The following TCF12 variants were observed in gnomAD, a reference collection of about 807,000 sequenced individuals.
TCF12 encodes the protein transcription factor 12.
A neutral mutation model predicts 86.0 loss-of-function variants in TCF12; 45 were observed. That is an observed-to-expected ratio of 0.52 (90% CI 0.41 to 0.67). TCF12 has a LOEUF of 0.67. Ranked by LOEUF, TCF12 falls within the 30% of genes least tolerant of loss-of-function variation. TCF12 has a pLI of 0.00. For synonymous variants in TCF12, 330 were observed against 299.6 expected, an observed-to-expected ratio of 1.10 and a Z score of -1.05; for missense variants, 881 against 859.9, an observed-to-expected ratio of 1.02 and a Z score of -0.31.
chr15:57,110,916 A>T (rs921774663), intron 5 of TCF12, among the ~76,000 whole-genome samples: 8 of 152,246 alleles, frequency 5.3e-5, no homozygotes, highest in African/African-American at 1.9e-4. Flanking sequence ...TGATATGGTA[A>T]TAGGAGATTA....
At chr15:57,210,332 T>C (rs1357532800) in intron 8 of TCF12, among the ~76,000 whole-genome samples, 2 of 151,354 alleles carry the variant, frequency 1.3e-5, no homozygotes, top group Non-Finnish European at 1.5e-5. Context: ...ATCTAAATTA[T>C]CTTCAGGAGA....
At chr15:57,054,401 T>A (rs1224063044) in intron 3 of TCF12, among the ~76,000 whole-genome samples, 3 of 152,224 alleles carry the variant, frequency 2.0e-5, no homozygotes, top group Non-Finnish European at 4.4e-5. Flanking sequence ...ACCTTTGCAC[T>A]TTCACATTGG....
chr15:57,218,479 A>T (rs1365563701), intron 8 of TCF12, among the ~76,000 whole-genome samples: 1 of 152,244 alleles, frequency 6.6e-6, no homozygotes, highest in Non-Finnish European at 1.5e-5. Context: ...TATGAGTTAG[A>T]AATGTCTGTA....
chr15:57,200,374 A>G (rs1332208937), intron 8 of TCF12, among the ~76,000 whole-genome samples: 4 of 152,270 alleles, frequency 2.6e-5, no homozygotes, highest in Non-Finnish European at 4.4e-5. Context: ...GTGATTTCCT[A>G]TTTCAGAGCT....
intron 6 of TCF12, among the ~76,000 whole-genome samples, chr15:57,170,350 G>A (rs760623957): frequency 6.6e-6 from 1 of 151,176 alleles, no homozygotes; most frequent in Non-Finnish European, 1.5e-5. Flanking sequence ...GACCTCCTGG[G>A]CTCAAGGGAT....
In TCF12 at chr15:57,273,671, A is replaced by G. The variant is rs554469970; in HGVS notation, c.1978+409A>G. On this transcript the variant is annotated intron_variant, in intron 19 of 20. Coordinates refer to ENST00000333725, the MANE Select transcript of TCF12 (RefSeq NM_207037.2). Reference sequence around the variant, plus strand: ...TTGCCTGCTCTACTTTGGAGTATCTACCGTGCCCTGCTGGTTAATAGGATG... The same window carrying G: ...TTGCCTGCTCTACTTTGGAGTATCTGCCGTGCCCTGCTGGTTAATAGGATG... Among the ~76,000 whole-genome samples, 8 of 152,070 alleles carry G rather than the reference A, an allele frequency of 5.3e-5. No individual in the cohort carries two copies. In the South Asian group the frequency reaches 1.7e-3, roughly 32 times the overall value.
chr15:56,929,423 C>A (rs1178071469), intron 3 of TCF12, among the ~76,000 whole-genome samples: 1 of 152,104 alleles, frequency 6.6e-6, no homozygotes, highest in Non-Finnish European at 1.5e-5. Context: ...CCAGATCATT[C>A]TGTAATTTTT....
In TCF12 at chr15:57,219,167, GTGTATATA is replaced by G. The variant is rs1257754523; in HGVS notation, c.580-11974_580-11967del. 8 of 1,071,626 alleles carry G rather than the reference GTGTATATA, an allele frequency of 7.5e-6. No homozygotes were observed. In the East Asian group the frequency reaches 3.0e-4, roughly 40 times the overall value. 66.4% of individuals were successfully genotyped at this position (1,071,626 alleles called of 1,614,324 possible). ...CTGTCAGTATGCCTTCCTTTTGTGT[GTGTATATA>G]TGTATATATGAGACAAATCTAATAA... On this transcript the variant is annotated intron_variant, in intron 8 of 20. Coordinates refer to ENST00000333725, the MANE Select transcript of TCF12 (RefSeq NM_207037.2).
chr15:57,149,569 A>G (rs1217278846), intron 5 of TCF12, among the ~76,000 whole-genome samples: 6 of 152,242 alleles, frequency 3.9e-5, no homozygotes, highest in African/African-American at 1.4e-4. Context: ...AATGTTGGAA[A>G]TAAGAGAGCA....
chr15:57,218,202 T>TA (rs35846849), intron 8 of TCF12, among the ~76,000 whole-genome samples: 1 of 152,078 alleles, frequency 6.6e-6, no homozygotes, highest in Non-Finnish European at 1.5e-5. Flanking sequence ...AAGGTACCTT[T>TA]AAAAAAAGTG....
chr15:57,020,539 C>T (rs2065415123), intron 3 of TCF12, among the ~76,000 whole-genome samples: 1 of 152,140 alleles, frequency 6.6e-6, no homozygotes, highest in African/African-American at 2.4e-5. Flanking sequence ...TTGCTTCAAA[C>T]ATTAAATTTT....
In TCF12 at chr15:57,204,282, C is replaced by A. The variant is rs75390643; in HGVS notation, c.579+6457C>A. 3.1e-3 allele frequency among the ~76,000 whole-genome samples: 468 copies of A among 151,930 alleles called. 4 individuals carry two copies. The highest frequency in any genetic ancestry group is 6.2e-3 in the African/African-American group (258 of 41,450). ...GAGACCTTGTCTGCACACACACACA[C>A]AAAAAAATATTTTAAAAAACTGTCC... On this transcript the variant is annotated intron_variant, in intron 8 of 20. Coordinates refer to ENST00000333725, the MANE Select transcript of TCF12 (RefSeq NM_207037.2).
At chr15:57,177,122 A>C (rs2055972905) in intron 6 of TCF12, among the ~76,000 whole-genome samples, 1 of 152,316 alleles carries the variant, frequency 6.6e-6, no homozygotes, top group African/African-American at 2.4e-5. Context: ...GAACCATGTG[A>C]TCTAGGAAAG....
intron 12 of TCF12, among the ~76,000 whole-genome samples, chr15:57,235,458 C>T (rs1444347880): frequency 2.6e-5 from 4 of 152,176 alleles, no homozygotes; most frequent in Non-Finnish European, 4.4e-5. Flanking sequence ...AGACCAGCTT[C>T]AGACTCTGCT....
chr15:57,164,445 AAGG>A (rs1410489698), intron 5 of TCF12, among the ~76,000 whole-genome samples: 3 of 152,296 alleles, frequency 2.0e-5, no homozygotes, highest in East Asian at 3.9e-4. Flanking sequence ...TGGCAGCAGC[AAGG>A]AGAAGTACCG....
intron 6 of TCF12, among the ~76,000 whole-genome samples, chr15:57,167,225 A>G (rs1306217500): frequency 6.6e-6 from 1 of 152,240 alleles, no homozygotes; most frequent in East Asian, 1.9e-4. Flanking sequence ...AGAGTTTTAC[A>G]TAACATCCTG....
chr15:57,001,179 G>T (rs1277978181), intron 3 of TCF12, among the ~76,000 whole-genome samples: 1 of 151,798 alleles, frequency 6.6e-6, no homozygotes, highest in Non-Finnish European at 1.5e-5. Context: ...ACCATGCCTG[G>T]CTAATTTTTG....
At chr15:57,235,146 G>A (rs1239332932) in intron 12 of TCF12, among the ~76,000 whole-genome samples, 2 of 152,168 alleles carry the variant, frequency 1.3e-5, no homozygotes, top group East Asian at 1.9e-4. Flanking sequence ...ACAAAATGCA[G>A]CTCAGTGAAT....
intron 3 of TCF12, among the ~76,000 whole-genome samples, chr15:57,011,020 G>C (rs1196556408): frequency 1.3e-5 from 2 of 152,040 alleles, no homozygotes; most frequent in Non-Finnish European, 2.9e-5. Context: ...GTTTGTGCTG[G>C]CTTTCTACTG....
Sources: gnomAD v4.1 joint callset for allele counts (sites outside exome capture counted in the v4.1 genomes callset) on GRCh38, gnomAD v4.1.1 for gene constraint, MANE v1.5 for transcripts, NCBI Gene and HGNC (gene_info 2026-07-23, HGNC 2026-07-21) for gene names.